NRG4: variants seen among roughly 807,000 people sequenced by gnomAD.
NRG4 encodes the protein neuregulin 4.
A neutral mutation model predicts 15.0 loss-of-function variants in NRG4; 10 were observed. That is an observed-to-expected ratio of 0.67 (90% CI 0.41 to 1.13). The LOEUF is 1.13. Among genes scored for constraint, NRG4 ranks in the 50% most tolerant of loss-of-function variants. The probability of loss-of-function intolerance (pLI) is 0.00; values close to 1 mark genes in which losing one functional copy is unlikely to be tolerated. For synonymous variants in NRG4, 41 were observed against 50.1 expected (o/e 0.82, Z 0.77); for missense variants, 139 against 140.2 (o/e 0.99, Z 0.04).
chr15:76,009,404 T>C, intron 2 of NRG4, 111 bp from the exon 3 acceptor site: 1 of 543,368 alleles, frequency 1.8e-6, no homozygotes. Context: ...AAAATCAGAA[T>C]GAAGAATTTT....
In NRG4 at chr15:75,977,068, C is replaced by CT. The variant is rs2033401521; in HGVS notation, c.105-15095dup. On this transcript the variant is annotated intron_variant, in intron 3 of 5. Coordinates refer to ENST00000394907, the MANE Select transcript of NRG4 (RefSeq NM_138573.4). This position sits in a 1 kb window ranked among gnomAD's most constrained non-coding sequence, Gnocchi z 4.9. ...TAGAGAGGCAGTCTGGGTACCGCCG[C>CT]TTTGTGGCACTGTGGTGGGCTCTGC... is the stretch of plus-strand genomic sequence containing the variant. 6.6e-6 allele frequency among the ~76,000 whole-genome samples: 1 copy of CT among 152,216 alleles called. No individual in the cohort carries two copies. Among genetic ancestry groups the CT allele is most frequent in the African/African-American group, 2.4e-5 (1 of 41,460 alleles).
At position 75,980,366 on chromosome 15, in the gene NRG4, C is replaced by T. The variant is rs924727484; in HGVS notation, c.105-18392G>A. 5.3e-5 allele frequency among the ~76,000 whole-genome samples: 7 copies of T among 133,076 alleles called. No homozygotes were observed. The East Asian group carries it at 1.3e-3, about 25-fold the overall frequency. 87.3% of individuals were successfully genotyped at this position (133,076 alleles called of 152,430 possible). A position where few individuals can be genotyped will look rare whatever the true frequency, so the allele number is the denominator to read the frequency against. The stretch of plus-strand genomic sequence containing the variant: ...ATACTGGGTAAATTCAAAATGAATA[C>T]ATTTTTTTCTTTGGGGATTTTTTTT... On this transcript the variant is annotated intron_variant, in intron 3 of 5. Transcript: ENST00000394907.
intron 4 of NRG4, among the ~76,000 whole-genome samples, chr15:76,050,752 G>A (rs1304907531): frequency 6.8e-6 from 1 of 146,832 alleles, no homozygotes; most frequent in Non-Finnish European, 1.5e-5. Flanking sequence ...CCGAGCCTTC[G>A]TTTTTCTAAG....
At chr15:75,991,240 A>AAGCAG (rs1227959558) in intron 3 of NRG4, among the ~76,000 whole-genome samples, 1 of 152,202 alleles carries the variant, frequency 6.6e-6, no homozygotes, top group Non-Finnish European at 1.5e-5. Flanking sequence ...TATTGTGTGA[A>AAGCAG]AGCAGGCATT....
chr15:76,043,396 A>G (rs1363723567), intron 4 of NRG4, among the ~76,000 whole-genome samples: 22 of 152,232 alleles, frequency 1.4e-4, no homozygotes, highest in Admixed American at 1.4e-3. Context: ...TATACTTGGA[A>G]AAACCTAAAG....
At position 76,011,314 on chromosome 15, in the gene NRG4, A is replaced by G. The variant is rs918382188; in HGVS notation, c.-56-28T>C. 6.2e-6 allele frequency: 7 copies of G among 1,130,206 alleles called. No individual in the cohort carries two copies. The Admixed American group carries it at 9.1e-5, about 15-fold the overall frequency. 70.0% of individuals were successfully genotyped at this position (1,130,206 alleles called of 1,614,324 possible). ...AAAACGGTTTAAAAAGTAATAATTC[A>G]GGGAAAATAGTCTTCTTTTAAGGGC... On this transcript the variant is annotated intron_variant, in intron 1 of 5. Transcript: ENST00000394907.
At chr15:75,935,930 GGCGCCCGCCACC>G (rs2030296578), downstream of NRG4, 1 of 152,004 alleles carries the variant, frequency 6.6e-6, no homozygotes, top group Non-Finnish European at 1.5e-5. Context: ...TGGGACTACA[GGCGCCCGCCACC>G]GCGCCCGGCT....
Position 76,009,246 on chromosome 15 carries a change from C to G in NRG4, c.58G>C (p.Gly20Arg). The G allele has an allele frequency of 2.5e-6, 4 of 1,605,182 alleles. No individual in the cohort carries two copies. The highest frequency in any genetic ancestry group is 3.4e-6 in the Non-Finnish European group (4 of 1,173,728). The change falls in exon 3 of 6, where the codon GGG (glycine) becomes CGG (arginine). Residue 20 changes from glycine to arginine, a missense_variant. Physicochemically the swap from Gly to Arg is moderately radical, Grantham distance 125. Transcript: ENST00000394907. ...GTAGGTATCACATAACAAAGCCCCC[C>G]ATTCAGGCAAAACGACTTGTGACTG... is the stretch of plus-strand genomic sequence containing the variant. ...GPSHKSFCLN[G>R]GLCYVIPTIP...
At chr15:76,004,134 AAG>A (rs1480611128) in intron 3 of NRG4, among the ~76,000 whole-genome samples, 2 of 152,206 alleles carry the variant, frequency 1.3e-5, no homozygotes, top group Non-Finnish European at 2.9e-5. Flanking sequence ...CAATACGTGA[AAG>A]AAGTGGGGAC....
chr15:76,058,321 T>C (rs1220066100), intron 1 of NRG4, among the ~76,000 whole-genome samples: 1 of 152,196 alleles, frequency 6.6e-6, no homozygotes, highest in African/African-American at 2.4e-5. Flanking sequence ...TCCACAAGTA[T>C]CATCTCCAAG....
intron 3 of NRG4, among the ~76,000 whole-genome samples, chr15:75,984,264 G>T (rs965525002): frequency 6.6e-6 from 1 of 152,030 alleles, no homozygotes; most frequent in Admixed American, 6.6e-5. Context: ...TGTTGATAAC[G>T]GGGGAGGCCT....
chr15:76,039,428 TGAAAA>T (rs1480584622), intron 4 of NRG4, among the ~76,000 whole-genome samples: 5 of 152,070 alleles, frequency 3.3e-5, no homozygotes, highest in African/African-American at 9.7e-5. Context: ...TTAAAATAAT[TGAAAA>T]GAATAGGTAG....
At chr15:75,947,695 AT>A (rs879493183) in intron 5 of NRG4, among the ~76,000 whole-genome samples, 11 of 151,488 alleles carry the variant, frequency 7.3e-5, no homozygotes, top group African/African-American at 2.4e-4. Context: ...ATTCTGTTTA[AT>A]TTTTTTTTGA....
chr15:75,994,029 C>T (rs182192577), intron 3 of NRG4, among the ~76,000 whole-genome samples: 119 of 152,022 alleles, frequency 7.8e-4, no homozygotes, highest in Admixed American at 7.3e-3. Flanking sequence ...TCAGTATGGA[C>T]GACATTTTTC....
chr15:76,060,184 G>T (rs76720715), upstream of NRG4, among the ~76,000 whole-genome samples: 1 of 151,982 alleles, frequency 6.6e-6, no homozygotes, highest in Non-Finnish European at 1.5e-5. Flanking sequence ...GGAGCCAGGC[G>T]AGGGTGCGTG....
At chr15:75,996,331 T>C (rs140317027) in intron 3 of NRG4, among the ~76,000 whole-genome samples, 1 of 152,284 alleles carries the variant, frequency 6.6e-6, no homozygotes, top group Non-Finnish European at 1.5e-5. Flanking sequence ...GATAATACCA[T>C]GGTCACACAG....
rs910114180 is a variant in NRG4 at position 75,977,690 on chromosome 15, G to T, written c.105-15716C>A. On this transcript the variant is annotated intron_variant, in intron 3 of 5. Transcript: ENST00000394907. This position sits in a 1 kb window ranked among gnomAD's most constrained non-coding sequence, Gnocchi z 4.9. ...TGAGATAAGCCGGGTACTTCAGTTGGAAATGCAGAAATCACCTGCCTTCTG... is the reference window on the plus strand; with the variant it reads ...TGAGATAAGCCGGGTACTTCAGTTGTAAATGCAGAAATCACCTGCCTTCTG... Among the ~76,000 whole-genome samples, 1 of 151,966 alleles carries T rather than the reference G, an allele frequency of 6.6e-6. No individual in the cohort carries two copies. Among genetic ancestry groups the T allele is most frequent in the Non-Finnish European group, 1.5e-5 (1 of 68,000 alleles).
At chr15:75,978,910 T>C (rs374491129) in intron 3 of NRG4, among the ~76,000 whole-genome samples, 182 of 152,344 alleles carry the variant, frequency 1.2e-3, no homozygotes, top group African/African-American at 4.0e-3. Context: ...ATAAACCTCA[T>C]TGGCTACAAT....
At chr15:75,999,894 C>T (rs2034345145) in intron 3 of NRG4, among the ~76,000 whole-genome samples, 1 of 152,018 alleles carries the variant, frequency 6.6e-6, no homozygotes, top group East Asian at 1.9e-4. Flanking sequence ...GGCACACTGG[C>T]ACACATCTGT....
Sources: gnomAD v4.1 joint callset for allele counts (sites outside exome capture counted in the v4.1 genomes callset) on GRCh38, gnomAD v4.1.1 for gene constraint, Gnocchi (gnomAD v3.1) non-coding constraint, MANE v1.5 for transcripts, NCBI Gene and HGNC (gene_info 2026-07-23, HGNC 2026-07-21) for gene names.